The following IGSF1 variants were observed in gnomAD, a reference collection of about 807,000 sequenced individuals.
The protein encoded by IGSF1 is immunoglobulin superfamily member 1.
In IGSF1, 40 loss-of-function variants were observed where a neutral mutation model predicts 95.3. That is an observed-to-expected ratio of 0.42 (90% CI 0.33 to 0.55). IGSF1 has a LOEUF of 0.55. IGSF1 is among the 20% of genes least tolerant of loss of function. The probability of loss-of-function intolerance (pLI) is 0.10; values close to 1 mark genes in which losing one functional copy is unlikely to be tolerated. For missense variants in IGSF1, 906 were observed against 1,025.4 expected (o/e 0.88, Z 1.59); for synonymous variants, 372 against 382.9 (o/e 0.97, Z 0.33).
chrX:131,279,743 CTG>C (rs899865383), intron 9 of IGSF1, among the ~76,000 whole-genome samples: 7 of 111,415 alleles, frequency 6.3e-5, no homozygotes, highest in Non-Finnish European at 9.4e-5. Context: ...GAGGGAGAAA[CTG>C]TGAGTATTTC....
chrX:131,285,247 C>T lies in IGSF1; in HGVS notation c.599G>A (p.Arg200His), dbSNP rs149790689. The T allele has an allele frequency of 1.6e-5, 19 of 1,208,744 alleles. No individual in the cohort carries two copies. In the African/African-American group the frequency reaches 2.1e-4, roughly 13 times the overall value. ...GGTGGGGAGCATCTGGATATGAGTG[C>T]GGCAGATGTAAACCCCTTCATCCTC... ...TPEDEGVYICRTHIQMLPTLW... is the reference protein window; with the variant it reads ...TPEDEGVYICHTHIQMLPTLW... The change falls in exon 5 of 20, where the codon CGC (arginine) becomes CAC (histidine). Residue 200 changes from arginine (R) to histidine (H), a missense_variant. Arg to His is a conservative substitution (Grantham distance 29, BLOSUM62 0). Coordinates refer to ENST00000361420, the MANE Select transcript of IGSF1 (RefSeq NM_001555.5).
At chrX:131,278,784 C>A in intron 11 of IGSF1, 33 bp from the exon 12 acceptor site, 6 of 1,166,885 alleles carry the variant, frequency 5.1e-6, no homozygotes, top group Non-Finnish European at 4.6e-6. Flanking sequence ...AGCCATCCTC[C>A]CGCCTCCCTT....
chrX:131,279,213 C>A (rs1281520726), intron 10 of IGSF1, 38 bp from the exon 11 acceptor site: 2 of 1,208,570 alleles, frequency 1.7e-6, no homozygotes, highest in African/African-American at 3.5e-5. Context: ...GGCCCCCTCC[C>A]CCACCGGGAC....
intron 1 of IGSF1, among the ~76,000 whole-genome samples, chrX:131,288,306 T>G: frequency 8.9e-6 from 1 of 112,124 alleles, no homozygotes; most frequent in South Asian, 3.8e-4. Context: ...TTTCTTCTTT[T>G]CAAAGGGGGC....
Position 131,285,826 on chromosome X carries a change from C to A in IGSF1, c.320G>T (p.Cys107Phe). The A allele has an allele frequency of 8.3e-7, 1 of 1,210,989 alleles. No homozygotes were observed. Among genetic ancestry groups the A allele is most frequent in the Non-Finnish European group, 1.1e-6 (1 of 894,939 alleles). The change falls in exon 4 of 20, where the codon TGC (cysteine) becomes TTC (phenylalanine). Residue 107 changes from cysteine (C) to phenylalanine (F), a missense_variant. This residue lies in a region of IGSF1 where 442 missense variants were observed against 448.1 expected (regional missense o/e 0.99). Coordinates refer to ENST00000361420, the MANE Select transcript of IGSF1 (RefSeq NM_001555.5). The stretch of plus-strand genomic sequence containing the variant: ...TGACCAGCCTGTCTCCTTCCAGTAG[C>A]AGCACCGGTAAAGACCTGCATTGGA... ...TESNAGLYRC[C>F]YWKETGWSKP...
In IGSF1 at chrX:131,286,647, C is replaced by T. The variant is rs758722982; in HGVS notation, c.28G>A (p.Ala10Thr). 8.3e-7 allele frequency: 1 copy of T among 1,202,409 alleles called. No individual in the cohort carries two copies. The highest frequency in any genetic ancestry group is 1.7e-5 in the African/African-American group (1 of 57,350). The change falls in exon 2 of 20, where the codon GCC becomes ACC. Residue 10 changes from alanine (A) to threonine (T), a missense_variant. Transcript: ENST00000361420. ...ACAGTGAATGTCTTCAGCATGGTGG[C>T]CCCCTCCCCTGGTCTGTCCAGGGTC... MTLDRPGEG[A>T]TMLKTFTVLL...
Position 131,273,605 on chromosome X carries a change from G to C in IGSF1, c.*191C>G. 2.2e-6 allele frequency: 1 copy of C among 445,369 alleles called. No individual in the cohort carries two copies. The highest frequency in any genetic ancestry group is 4.3e-5 in the South Asian group (1 of 23,376). The allele number at this position is 445,369 out of a possible 1,213,427, so 36.7% of individuals were successfully genotyped here. ...ATCAGTACAGTGAGGAGTTACAGGGGTGGGGAACCTCTCTTCAGGAAACAT... is the reference window on the plus strand; with the variant it reads ...ATCAGTACAGTGAGGAGTTACAGGGCTGGGGAACCTCTCTTCAGGAAACAT... On this transcript the variant is annotated 3_prime_UTR_variant, in exon 20 of 20. Transcript: ENST00000361420.
At chrX:131,289,344 C>A (rs2080689271), upstream of IGSF1, 4 of 367,017 alleles carry the variant, frequency 1.1e-5, no homozygotes, top group Admixed American at 1.0e-4. Context: ...CCTCTCTCCC[C>A]CGCCCGCCTG....
chrX:131,279,376 T>G, intron 9 of IGSF1, 35 bp from the exon 10 acceptor site: 2 of 1,133,792 alleles, frequency 1.8e-6, no homozygotes, highest in Non-Finnish European at 1.2e-6. Flanking sequence ...GAGGAGTTGC[T>G]GGGATGAGGG....
Position 131,275,038 on chromosome X carries a change from C to T in IGSF1, c.3433G>A (p.Ala1145Thr). Residue 1145 changes from alanine to threonine, a missense_variant, in exon 17 of 20, where the codon GCT becomes ACT. Coordinates refer to ENST00000361420, the MANE Select transcript of IGSF1 (RefSeq NM_001555.5). Reference sequence around the variant, plus strand: ...TCCAGGGAGTCACTGTGATTTGAAGCTGCAAAGGGAGTAGAGTCCAAATAA... The same window carrying T: ...TCCAGGGAGTCACTGTGATTTGAAGTTGCAAAGGGAGTAGAGTCCAAATAA... ...VYYLDSTPFA[A>T]SNHSDSLEIW... 1 of 1,211,328 alleles carries T rather than the reference C, an allele frequency of 8.3e-7. No homozygotes were observed. The highest frequency in any genetic ancestry group is 1.1e-6 in the Non-Finnish European group (1 of 894,981).
intron 1 of IGSF1, among the ~76,000 whole-genome samples, chrX:131,288,381 A>G (rs970133790): frequency 1.6e-4 from 18 of 110,975 alleles, no homozygotes; most frequent in African/African-American, 5.6e-4. Context: ...CCTTGCTCCC[A>G]CTCCTCTCAG....
intron 9 of IGSF1, chrX:131,280,971 A>G: frequency 3.3e-6 from 1 of 303,888 alleles, no homozygotes; most frequent in Non-Finnish European, 5.9e-6. Context: ...TCCGGGGGGG[A>G]TGTCAGTGAA....
Position 131,276,014 on chromosome X carries a change from G to T in IGSF1, c.2843C>A (p.Thr948Asn). The T allele has an allele frequency of 8.3e-7, 1 of 1,210,562 alleles. No individual in the cohort carries two copies. The highest frequency in any genetic ancestry group is 1.1e-6 in the Non-Finnish European group (1 of 894,581). ...GNYSCIYYETTMSNRGSYLSM... is the reference protein window; with the variant it reads ...GNYSCIYYETNMSNRGSYLSM... ...GAGATATGACCCCCTGTTTGACATGGTTGTCTCATAGTAGATACAGCTATA... is the reference window on the plus strand; with the variant it reads ...GAGATATGACCCCCTGTTTGACATGTTTGTCTCATAGTAGATACAGCTATA... The change falls in exon 15 of 20, where the codon ACC becomes AAC. Residue 948 changes from threonine to asparagine, a missense_variant. Thr to Asn is a moderately conservative substitution (Grantham distance 65). Coordinates refer to ENST00000361420, the MANE Select transcript of IGSF1 (RefSeq NM_001555.5).
chrX:131,276,191 T>C lies in IGSF1; in HGVS notation c.2666A>G (p.Lys889Arg). The part of the protein sequence containing the change: ...AQPGPVVFPG[K>R]SVILRCQGTF... ...CCCTTGGCAGCGCAGGATCACACTCTTCCCAGGAAACACCACAGGACCTGG... is the reference window on the plus strand; with the variant it reads ...CCCTTGGCAGCGCAGGATCACACTCCTCCCAGGAAACACCACAGGACCTGG... The change falls in exon 15 of 20, where the codon AAG becomes AGG. Residue 889 changes from lysine (K) to arginine (R), a missense_variant. Coordinates refer to ENST00000361420, the MANE Select transcript of IGSF1 (RefSeq NM_001555.5). The C allele has an allele frequency of 1.7e-6, 2 of 1,209,860 alleles. No individual in the cohort carries two copies. The highest frequency in any genetic ancestry group is 2.2e-6 in the Non-Finnish European group (2 of 894,765).
intron 5 of IGSF1, chrX:131,284,750 C>G (rs935621488): frequency 2.5e-6 from 2 of 785,052 alleles, no homozygotes; most frequent in African/African-American, 4.4e-5. Context: ...CCAACACTAG[C>G]AATCCATTCT....
chrX:131,277,763 C>T, intron 13 of IGSF1, 93 bp downstream of exon 13: 1 of 1,013,831 alleles, frequency 9.9e-7, no homozygotes, highest in Non-Finnish European at 1.3e-6. Context: ...GGACCAGCAG[C>T]AAAGTTTGCT....
chrX:131,289,447 G>A (rs745569210), upstream of IGSF1: 1 of 338,719 alleles, frequency 3.0e-6, no homozygotes, highest in Non-Finnish European at 5.8e-6. Flanking sequence ...TCTGACGACG[G>A]GGATTTCTAC....
chrX:131,283,528 T>C (rs911945080), intron 5 of IGSF1, among the ~76,000 whole-genome samples: 1 of 112,007 alleles, frequency 8.9e-6, no homozygotes, highest in Admixed American at 9.5e-5. Context: ...CATCTATAAT[T>C]CCCTGTATCT....
At position 131,283,279 on chromosome X, in the gene IGSF1, G is replaced by A; in HGVS notation, c.668-15C>T. The A allele has an allele frequency of 8.6e-7, 1 of 1,168,471 alleles. No homozygotes were observed. The highest frequency in any genetic ancestry group is 1.2e-6 in the Non-Finnish European group (1 of 867,624). On this transcript the variant is annotated splice_polypyrimidine_tract_variant and intron_variant, in intron 5 of 19. Transcript: ENST00000361420. ...GGGGTAGAGTCCTACAAACGGAAGAGACCCTAAAGTTAGAGGCAAGATGAT... is the reference window on the plus strand; with the variant it reads ...GGGGTAGAGTCCTACAAACGGAAGAAACCCTAAAGTTAGAGGCAAGATGAT...
Sources: allele counts gnomAD v4.1 joint callset (sites outside exome capture counted in the v4.1 genomes callset), GRCh38; gene constraint gnomAD v4.1.1; regional missense constraint gnomAD v4.1.1; transcripts MANE v1.5; gene names NCBI Gene and HGNC (gene_info 2026-07-23, HGNC 2026-07-21).